Variants in ABCG2 observed in about 807,000 individuals in gnomAD.
ABCG2 encodes broad substrate specificity ATP-binding cassette transporter ABCG2.
ABCG2 carries 80 observed loss-of-function variants against 73.5 expected under a neutral mutation model. The observed-to-expected ratio is 1.09, with a 90% CI of 0.91 to 1.31. The LOEUF (loss-of-function observed/expected upper bound fraction) is 1.31, where lower values mean the gene tolerates loss of function less well. Among genes scored for constraint, ABCG2 ranks in the 50% most tolerant of loss-of-function variants. The pLI, the probability that ABCG2 is intolerant of heterozygous loss-of-function variation, is 0.00. For synonymous variants in ABCG2, 269 were observed against 282.4 expected (o/e 0.95, Z 0.48); for missense variants, 796 against 786.2 (o/e 1.01, Z -0.15).
At chr4:88,156,677 C>A (rs1170109938) in intron 1 of ABCG2, among the ~76,000 whole-genome samples, 2 of 151,974 alleles carry the variant, frequency 1.3e-5, no homozygotes, top group African/African-American at 4.8e-5. Context: ...AAAAAAAACC[C>A]GCTAAACAAC....
chr4:88,169,696 G>A (rs751565448), intron 1 of ABCG2, among the ~76,000 whole-genome samples: 17 of 152,132 alleles, frequency 1.1e-4, no homozygotes, highest in Admixed American at 2.0e-4. Flanking sequence ...TATTGTAGAA[G>A]AAAGTAAGTA....
Position 88,114,944 on chromosome 4 carries a change from C to A in ABCG2, c.943+13G>T. 1 of 1,580,782 alleles carries A rather than the reference C, an allele frequency of 6.3e-7. No homozygotes were observed. The highest frequency in any genetic ancestry group is 8.7e-7 in the Non-Finnish European group (1 of 1,153,498). On this transcript the variant is annotated intron_variant, in intron 8 of 15. Coordinates refer to ENST00000237612, the MANE Select transcript of ABCG2 (RefSeq NM_004827.3). ...ATTAGGCAAAAATCTGGGACTGTAA[C>A]AGATTCATATACCTTTAAAGTCTTC...
At chr4:88,100,997 T>C (rs1722367919) in intron 11 of ABCG2, among the ~76,000 whole-genome samples, 1 of 152,248 alleles carries the variant, frequency 6.6e-6, no homozygotes. Context: ...TTTTCTTCCC[T>C]ACCTCTGGCT....
chr4:88,131,716 C>A, intron 4 of ABCG2, 87 bp downstream of exon 4: 1 of 910,506 alleles, frequency 1.1e-6, no homozygotes, highest in South Asian at 1.5e-5. Flanking sequence ...GTCACATAAT[C>A]AACTGGAAGC....
chr4:88,169,435 ATTC>A (rs1727670179), intron 1 of ABCG2, among the ~76,000 whole-genome samples: 3 of 152,278 alleles, frequency 2.0e-5, no homozygotes, highest in Admixed American at 2.0e-4. Context: ...AGGCTTATTC[ATTC>A]TTATCTTTAT....
At chr4:88,119,719 A>C (rs1723831619) in intron 6 of ABCG2, among the ~76,000 whole-genome samples, 1 of 152,238 alleles carries the variant, frequency 6.6e-6, no homozygotes, top group Non-Finnish European at 1.5e-5. Context: ...GAAATTTCTA[A>C]GCAACAAAGC....
At position 88,108,100 on chromosome 4, in the gene ABCG2, A is replaced by C. The variant is rs2622628; in HGVS notation, c.1195-834T>G. 0.83 allele frequency among the ~76,000 whole-genome samples: 126,417 copies of C among 152,166 alleles called. 54,676 individuals carry two copies. The highest frequency in any genetic ancestry group is 0.97 in the Non-Finnish European group (65,662 of 68,020). The stretch of plus-strand genomic sequence containing the variant: ...TCCTAAGGAGACTGGACAAACACCA[A>C]TCTTGTTTCTAGGATAAAGGGTCTC... On this transcript the variant is annotated intron_variant, in intron 9 of 15. Coordinates refer to ENST00000237612, the MANE Select transcript of ABCG2 (RefSeq NM_004827.3).
chr4:88,153,782 G>C (rs894754747), intron 1 of ABCG2, among the ~76,000 whole-genome samples: 1 of 152,064 alleles, frequency 6.6e-6, no homozygotes, highest in Non-Finnish European at 1.5e-5. Context: ...TTCCTGACTC[G>C]GGGCATGTGA....
At chr4:88,169,630 C>T (rs911698277) in intron 1 of ABCG2, among the ~76,000 whole-genome samples, 20 of 152,066 alleles carry the variant, frequency 1.3e-4, no homozygotes, top group Non-Finnish European at 2.2e-4. Flanking sequence ...CTATTTTCTC[C>T]CTTTGATTAT....
intron 2 of ABCG2, among the ~76,000 whole-genome samples, chr4:88,135,850 T>C (rs758407844): frequency 6.6e-6 from 1 of 152,132 alleles, no homozygotes; most frequent in Non-Finnish European, 1.5e-5. Context: ...GGTGGGGAGA[T>C]TGTTTATATT....
intron 9 of ABCG2, 126 bp downstream of exon 9, chr4:88,113,177 T>C (rs1723257811): frequency 1.5e-5 from 19 of 1,279,998 alleles, no homozygotes; most frequent in Non-Finnish European, 1.9e-5. Context: ...ACTGGTTCTA[T>C]ATCCCAGGTG....
At chr4:88,195,208 T>C (rs1728895846) in intron 1 of ABCG2, among the ~76,000 whole-genome samples, 1 of 152,146 alleles carries the variant, frequency 6.6e-6, no homozygotes, top group Non-Finnish European at 1.5e-5. Context: ...CACTCCAGCA[T>C]GGGAAACAGA....
intron 1 of ABCG2, among the ~76,000 whole-genome samples, chr4:88,181,600 G>A (rs1236893404): frequency 6.6e-6 from 1 of 151,986 alleles, no homozygotes; most frequent in African/African-American, 2.4e-5. Flanking sequence ...GCGTGGTGGT[G>A]CACATCTGTG....
chr4:88,126,818 T>C (rs1322245569), intron 5 of ABCG2, among the ~76,000 whole-genome samples: 1 of 152,146 alleles, frequency 6.6e-6, no homozygotes, highest in Non-Finnish European at 1.5e-5. Context: ...ACAGCCAATA[T>C]CATACTGAAT....
At chr4:88,132,441 C>T (rs1724956073) in intron 3 of ABCG2, 135 bp downstream of exon 3, 1 of 875,170 alleles carries the variant, frequency 1.1e-6, no homozygotes, top group South Asian at 1.6e-5. Context: ...CTACAGTTAT[C>T]CACAGCACCT....
chr4:88,132,338 A>G (rs998138738), intron 3 of ABCG2, among the ~76,000 whole-genome samples: 5 of 152,070 alleles, frequency 3.3e-5, no homozygotes, highest in African/African-American at 1.2e-4. Flanking sequence ...AGCTGATAAC[A>G]TGGTCAACTG....
intron 6 of ABCG2, among the ~76,000 whole-genome samples, chr4:88,118,470 T>C (rs45570646): frequency 0.014 from 2,076 of 152,344 alleles, 22 homozygotes; most frequent in Non-Finnish European, 0.023. Context: ...GTGTGTTGTA[T>C]TGACAATCTA....
chr4:88,191,283 A>C (rs1003905900), intron 1 of ABCG2, among the ~76,000 whole-genome samples: 4 of 149,722 alleles, frequency 2.7e-5, no homozygotes, highest in African/African-American at 9.8e-5. Flanking sequence ...AAAAAAAAAA[A>C]CAAAAAGGGC....
intron 1 of ABCG2, among the ~76,000 whole-genome samples, chr4:88,219,115 G>C (rs1033909883): frequency 6.6e-6 from 1 of 152,158 alleles, no homozygotes; most frequent in African/African-American, 2.4e-5. Context: ...CCACTATCAC[G>C]GCTAATACTG....
Sources: allele counts gnomAD v4.1 joint callset (sites outside exome capture counted in the v4.1 genomes callset), GRCh38; gene constraint gnomAD v4.1.1; transcripts MANE v1.5; gene names NCBI Gene and HGNC (gene_info 2026-07-23, HGNC 2026-07-21).